XKR4: variants seen among roughly 807,000 people sequenced by gnomAD.
The protein encoded by XKR4 is XK related 4.
XKR4 carries 12 observed loss-of-function variants against 53.9 expected under a neutral mutation model. That is an observed-to-expected ratio of 0.22 (90% CI 0.14 to 0.36). XKR4 has a LOEUF of 0.36. XKR4 is among the 10% of genes least tolerant of loss of function. The probability of loss-of-function intolerance (pLI) is 1.00; values close to 1 mark genes in which losing one functional copy is unlikely to be tolerated. For synonymous variants in XKR4, 354 were observed against 362.4 expected, an observed-to-expected ratio of 0.98 and a Z score of 0.26; for missense variants, 799 against 859.5, an observed-to-expected ratio of 0.93 and a Z score of 0.88.
intron 1 of XKR4, among the ~76,000 whole-genome samples, chr8:55,254,428 G>C (rs1462679703): frequency 6.6e-6 from 1 of 152,112 alleles, no homozygotes; most frequent in Non-Finnish European, 1.5e-5. Context: ...GCAGTTCAGA[G>C]AGTACAGGAT....
intron 2 of XKR4, chr8:55,451,985 A>C: frequency 1.3e-6 from 1 of 774,772 alleles, no homozygotes; most frequent in South Asian, 1.4e-5. Flanking sequence ...TGCGAGTGAC[A>C]TGCTGCCGCC....
rs540714512 is a variant in XKR4, at chr8:55,516,240, G to A, written c.1007-7041G>A. Among the ~76,000 whole-genome samples, 255 of 152,226 alleles carry A rather than the reference G, an allele frequency of 1.7e-3. 3 individuals carry two copies. The highest frequency in any genetic ancestry group is 5.6e-3 in the African/African-American group (233 of 41,538). On this transcript the variant is annotated intron_variant, in intron 2 of 2. Transcript: ENST00000327381. The stretch of plus-strand genomic sequence containing the variant: ...CACTAAAGAAACTATAAAATTTCTT[G>A]ACTGCAAGAAATCAATATTATACTG...
At position 55,177,283 on chromosome 8, in the gene XKR4, C is replaced by G. The variant is rs145460864; in HGVS notation, c.806+73989C>G. The stretch of plus-strand genomic sequence containing the variant: ...AACTCCTGACCTCAGGCCATCTGCC[C>G]ACCTCGGCCTCCCAAAGTGCTGGGA... On this transcript the variant is annotated intron_variant, in intron 1 of 2. Coordinates refer to ENST00000327381, the MANE Select transcript of XKR4 (RefSeq NM_052898.2). 2.8e-3 allele frequency among the ~76,000 whole-genome samples: 427 copies of G among 152,244 alleles called. 1 individual carries two copies. The highest frequency in any genetic ancestry group is 0.017 in the Middle Eastern group (5 of 294).
At position 55,527,960 on chromosome 8, in the gene XKR4, G is replaced by A. The variant is rs966342237; in HGVS notation, c.*3733G>A. The A allele has an allele frequency of 6.6e-6, 1 of 151,914 alleles. No homozygotes were observed. Among genetic ancestry groups the A allele is most frequent in the African/African-American group, 2.4e-5 (1 of 41,338 alleles). 9.4% of individuals were successfully genotyped at this position (151,914 alleles called of 1,614,324 possible). ...ATATGTGCCTTTTAAGTGTGTTTGT[G>A]TACATACATATATGTATATATACGT... is the stretch of plus-strand genomic sequence containing the variant. On this transcript the variant is annotated 3_prime_UTR_variant, in exon 3 of 3. Transcript: ENST00000327381.
At chr8:55,464,255 A>G (rs957604297) in intron 2 of XKR4, among the ~76,000 whole-genome samples, 2 of 152,254 alleles carry the variant, frequency 1.3e-5, no homozygotes, top group South Asian at 4.1e-4. Context: ...AAATCCAGCA[A>G]CACATCAAAA....
chr8:55,327,353 CAA>C (rs764388702), intron 1 of XKR4, among the ~76,000 whole-genome samples: 1 of 135,690 alleles, frequency 7.4e-6, no homozygotes. Flanking sequence ...TGAAGAAAGC[CAA>C]AAAAAAAAAA....
At position 55,198,348 on chromosome 8, in the gene XKR4, T is replaced by C. The variant is rs181856129; in HGVS notation, c.806+95054T>C. Among the ~76,000 whole-genome samples, 485 of 152,286 alleles carry C rather than the reference T, an allele frequency of 3.2e-3. 4 individuals carry two copies. Among genetic ancestry groups the C allele is most frequent in the Non-Finnish European group, 5.4e-3 (370 of 68,024 alleles). ...TACCTTCCTGAATGTCAATAGCCTT[T>C]TTTATGGAATATGGTATGGATGATC... On this transcript the variant is annotated intron_variant, in intron 1 of 2. Transcript: ENST00000327381.
intron 2 of XKR4, among the ~76,000 whole-genome samples, chr8:55,507,168 C>G (rs993937184): frequency 2.0e-5 from 3 of 152,202 alleles, no homozygotes; most frequent in South Asian, 2.1e-4. Context: ...AACAGCATTG[C>G]CAAATTTTTC....
Position 55,534,829 on chromosome 8 carries a change from CA to C in XKR4, c.*10603del, listed in dbSNP as rs906385133. On this transcript the variant is annotated 3_prime_UTR_variant, in exon 3 of 3. Transcript: ENST00000327381. ...TAAGAATGAAGTTACCAGAAGTTAT[CA>C]GGTCATAGTTTCAGAGTATGCAAGA... is the stretch of plus-strand genomic sequence containing the variant. 9.5e-5 allele frequency: 14 copies of C among 148,120 alleles called. No individual in the cohort carries two copies. Among genetic ancestry groups the C allele is most frequent in the Middle Eastern group, 3.2e-3 (1 of 312 alleles). The allele number at this position is 148,120 out of a possible 1,614,324, so 9.2% of individuals were successfully genotyped here.
intron 1 of XKR4, chr8:55,142,414 C>T: frequency 3.7e-6 from 1 of 269,218 alleles, no homozygotes; most frequent in East Asian, 8.4e-5. Context: ...TGTCTGTGGC[C>T]CACTTGATCC....
At chr8:55,196,193 T>G (rs1346987257) in intron 1 of XKR4, among the ~76,000 whole-genome samples, 5 of 150,382 alleles carry the variant, frequency 3.3e-5, no homozygotes, top group Non-Finnish European at 1.5e-5. Context: ...TTTTTTTTTT[T>G]TTGTTGAGAT....
intron 1 of XKR4, among the ~76,000 whole-genome samples, chr8:55,323,955 C>G (rs933654822): frequency 6.6e-6 from 1 of 151,510 alleles, no homozygotes; most frequent in African/African-American, 2.4e-5. Flanking sequence ...CTTTTTATTC[C>G]TCTGCTTTCA....
Position 55,300,557 on chromosome 8 carries a change from T to C in XKR4, c.807-57121T>C, listed in dbSNP as rs1025706315. Among the ~76,000 whole-genome samples, 5 of 151,938 alleles carry C rather than the reference T, an allele frequency of 3.3e-5. No homozygotes were observed. In the Middle Eastern group the frequency reaches 0.01, roughly 312 times the overall value. ...GGGCATGAAAGCATCTGGATGGAGATGGGTCGTGGAATAGAAAGTGAGTCT... is the reference window on the plus strand; with the variant it reads ...GGGCATGAAAGCATCTGGATGGAGACGGGTCGTGGAATAGAAAGTGAGTCT... On this transcript the variant is annotated intron_variant, in intron 1 of 2. Transcript: ENST00000327381.
intron 1 of XKR4, among the ~76,000 whole-genome samples, chr8:55,317,032 A>G (rs938063901): frequency 6.6e-6 from 1 of 152,198 alleles, no homozygotes; most frequent in Non-Finnish European, 1.5e-5. Flanking sequence ...TAAGTCTCCC[A>G]GAGGAGGGCA....
intron 1 of XKR4, among the ~76,000 whole-genome samples, chr8:55,134,202 T>C (rs1348732130): frequency 6.6e-6 from 1 of 152,212 alleles, no homozygotes; most frequent in Non-Finnish European, 1.5e-5. Flanking sequence ...TCACCCGAAA[T>C]TCTAGAAGAG....
chr8:55,464,084 C>A (rs570803855), intron 2 of XKR4, among the ~76,000 whole-genome samples: 1 of 152,244 alleles, frequency 6.6e-6, no homozygotes, highest in East Asian at 1.9e-4. Flanking sequence ...TGAAACTATT[C>A]CAATCTATAG....
chr8:55,451,331 T>C, intron 2 of XKR4: 1 of 628,796 alleles, frequency 1.6e-6, no homozygotes. Flanking sequence ...GACAGAGTGG[T>C]GACCCTGGCT....
intron 1 of XKR4, among the ~76,000 whole-genome samples, chr8:55,158,966 C>CT (rs1159661282): frequency 6.6e-6 from 1 of 152,124 alleles, no homozygotes; most frequent in Non-Finnish European, 1.5e-5. Flanking sequence ...CATTCTGGCT[C>CT]TTTTTTGGTT....
chr8:55,207,051 G>A (rs1817660526), intron 1 of XKR4, among the ~76,000 whole-genome samples: 1 of 152,244 alleles, frequency 6.6e-6, no homozygotes, highest in Non-Finnish European at 1.5e-5. Flanking sequence ...GCTTGGAAGA[G>A]AAATTTCACT....
Sources: gnomAD v4.1 joint callset for allele counts (sites outside exome capture counted in the v4.1 genomes callset) on GRCh38, gnomAD v4.1.1 for gene constraint, MANE v1.5 for transcripts, NCBI Gene and HGNC (gene_info 2026-07-23, HGNC 2026-07-21) for gene names.